Variants in PIK3CA observed in about 807,000 individuals in gnomAD.
PIK3CA encodes the protein phosphatidylinositol-4,5-bisphosphate 3-kinase catalytic subunit alpha.
Under a neutral mutation model 138.2 loss-of-function variants are expected in PIK3CA, and 27 were observed. The observed-to-expected ratio is 0.20, with a 90% CI of 0.14 to 0.27. PIK3CA has a LOEUF of 0.27. Among genes scored for constraint, PIK3CA ranks in the 10% least tolerant of loss-of-function variants. The probability of loss-of-function intolerance (pLI) is 1.00; values close to 1 mark genes in which losing one functional copy is unlikely to be tolerated. For synonymous variants in PIK3CA, 358 were observed against 413.2 expected (o/e 0.87, Z 1.62); for missense variants, 544 against 1,277.4 (o/e 0.43, Z 8.75).
intron 1 of PIK3CA, among the ~76,000 whole-genome samples, chr3:179,195,383 A>G (rs1724241210): frequency 6.6e-6 from 1 of 152,116 alleles, no homozygotes; most frequent in Admixed American, 6.5e-5. Flanking sequence ...AATGTTTAAC[A>G]TTTATTAGGT....
At chr3:179,154,035 T>C (rs901404172) in intron 1 of PIK3CA, among the ~76,000 whole-genome samples, 3 of 152,236 alleles carry the variant, frequency 2.0e-5, no homozygotes, top group Non-Finnish European at 2.9e-5. Context: ...TTAGGTGTTC[T>C]TTCTTTCCCT....
chr3:179,233,354 G>T, intron 20 of PIK3CA: 1 of 397,952 alleles, frequency 2.5e-6, no homozygotes, highest in South Asian at 1.3e-4. Context: ...TTTGTCACAT[G>T]ACTTTTATTA....
intron 1 of PIK3CA, among the ~76,000 whole-genome samples, chr3:179,166,000 C>T (rs994257824): frequency 3.9e-5 from 6 of 152,328 alleles, no homozygotes; most frequent in African/African-American, 1.4e-4. Context: ...CTAAATTACA[C>T]TTCTTTTCAT....
At chr3:179,154,801 C>T (rs1576910945) in intron 1 of PIK3CA, among the ~76,000 whole-genome samples, 1 of 152,046 alleles carries the variant, frequency 6.6e-6, no homozygotes, top group East Asian at 1.9e-4. Context: ...TGACAATGTA[C>T]TCATTTCTCA....
chr3:179,187,270 G>C (rs1227104302), intron 1 of PIK3CA, among the ~76,000 whole-genome samples: 3 of 151,994 alleles, frequency 2.0e-5, no homozygotes, highest in Admixed American at 2.0e-4. Context: ...GGGTGCGGTG[G>C]CTCACACCTG....
intron 1 of PIK3CA, among the ~76,000 whole-genome samples, chr3:179,157,171 A>G (rs939080953): frequency 1.6e-4 from 24 of 152,322 alleles, no homozygotes; most frequent in Middle Eastern, 3.4e-3. Context: ...ATGCATATAA[A>G]TATCAATGCA....
intron 1 of PIK3CA, among the ~76,000 whole-genome samples, chr3:179,164,096 G>A (rs764036512): frequency 2.0e-5 from 3 of 152,012 alleles, no homozygotes; most frequent in Admixed American, 6.6e-5. Flanking sequence ...AATAATTTGC[G>A]GAAATGTTTT....
chr3:179,176,088 C>T (rs982396014), intron 1 of PIK3CA, among the ~76,000 whole-genome samples: 19 of 152,036 alleles, frequency 1.2e-4, no homozygotes, highest in Admixed American at 1.1e-3. Flanking sequence ...GTGGGGGCTG[C>T]TTATGTTTTA....
intron 1 of PIK3CA, among the ~76,000 whole-genome samples, chr3:179,184,385 C>A (rs1057338572): frequency 6.6e-6 from 1 of 152,162 alleles, no homozygotes; most frequent in African/African-American, 2.4e-5. Context: ...AGTCAACAGA[C>A]ACCATAGCTA....
At chr3:179,194,284 T>TGC (rs1724208890) in intron 1 of PIK3CA, among the ~76,000 whole-genome samples, 1 of 152,132 alleles carries the variant, frequency 6.6e-6, no homozygotes, top group Admixed American at 6.5e-5. Context: ...AATGCAGTGG[T>TGC]GCCATCACGG....
chr3:179,167,928 AGTGCT>A (rs1465522126), intron 1 of PIK3CA, among the ~76,000 whole-genome samples: 2 of 152,136 alleles, frequency 1.3e-5, no homozygotes, highest in Admixed American at 1.3e-4. Flanking sequence ...GCGTGCCATT[AGTGCT>A]GCTGGACTCC....
chr3:179,226,783 T>C (rs1725092240), intron 17 of PIK3CA, among the ~76,000 whole-genome samples: 1 of 152,162 alleles, frequency 6.6e-6, no homozygotes, highest in Non-Finnish European at 1.5e-5. Flanking sequence ...CAAATAGTTG[T>C]ACCCTTTTAT....
Position 179,157,534 on chromosome 3 carries a change from A to G in PIK3CA, c.-77+8931A>G, listed in dbSNP as rs184668075. On this transcript the variant is annotated intron_variant, in intron 1 of 20. Transcript: ENST00000263967. Reference sequence around the variant, plus strand: ...TCATTTTGAGTAAATCTACCAGTGTATAACTGCTAAAGCACAGTTAAATGT... The same window carrying G: ...TCATTTTGAGTAAATCTACCAGTGTGTAACTGCTAAAGCACAGTTAAATGT... Among the ~76,000 whole-genome samples, 1,026 of 152,270 alleles carry G rather than the reference A, an allele frequency of 6.7e-3. 63 individuals are homozygous for G. In the South Asian group the frequency reaches 0.14, roughly 20 times the overall value.
intron 6 of PIK3CA, 47 bp from the exon 7 acceptor site, chr3:179,209,548 T>A (rs760384193): frequency 1.7e-6 from 2 of 1,153,982 alleles, no homozygotes; most frequent in Non-Finnish European, 1.3e-6. Context: ...TATACTTTGA[T>A]GAAGACTTTT....
At chr3:179,165,214 A>G (rs1342827579) in intron 1 of PIK3CA, among the ~76,000 whole-genome samples, 1 of 152,142 alleles carries the variant, frequency 6.6e-6, no homozygotes, top group Non-Finnish European at 1.5e-5. Flanking sequence ...CTATTACAAT[A>G]ATCACCCTAA....
At chr3:179,194,355 C>G (rs1319510872) in intron 1 of PIK3CA, among the ~76,000 whole-genome samples, 1 of 152,138 alleles carries the variant, frequency 6.6e-6, no homozygotes, top group East Asian at 1.9e-4. Context: ...TCCTGAGTAC[C>G]TGGGACCATA....
Position 179,234,217 on chromosome 3 carries a change from A to G in PIK3CA, c.3060A>G (p.Ala1020=), listed in dbSNP as rs1725280697. 4.3e-6 allele frequency: 7 copies of G among 1,613,794 alleles called. No individual in the cohort carries two copies. Among genetic ancestry groups the G allele is most frequent in the Non-Finnish European group, 5.9e-6 (7 of 1,179,790 alleles). ...AACTACAATCTTTTGATGACATTGC[A>G]TACATTCGAAAGACCCTAGCCTTAG... ...MPELQSFDDI[A]YIRKTLALDK... Residue 1020 remains alanine (A), a synonymous_variant, in exon 21 of 21, where the codon GCA becomes GCG. Coordinates refer to ENST00000263967, the MANE Select transcript of PIK3CA (RefSeq NM_006218.4). The surrounding 1 kb of genome is among the most constrained non-coding windows in gnomAD (Gnocchi z 5.1).
rs574634103 is a variant in PIK3CA, at chr3:179,170,066, A to ACGCG, written c.-77+21471_-77+21474dup. 6.5e-4 allele frequency among the ~76,000 whole-genome samples: 70 copies of ACGCG among 107,588 alleles called. 1 individual carries two copies. The South Asian group carries it at 0.021, about 32-fold the overall frequency. The allele number at this position is 107,588 out of a possible 152,430, so 70.6% of individuals were successfully genotyped here. A position where few individuals can be genotyped will look rare whatever the true frequency, so the allele number is the denominator to read the frequency against. ...CACAGACATGCACATGCGCGTGCAC[A>ACGCG]CGCGCGCGCGCACACACACACACAC... is the stretch of plus-strand genomic sequence containing the variant. On this transcript the variant is annotated intron_variant, in intron 1 of 20. Transcript: ENST00000263967.
chr3:179,216,887 A>C (rs1724847958), intron 9 of PIK3CA, among the ~76,000 whole-genome samples: 1 of 152,174 alleles, frequency 6.6e-6, no homozygotes, highest in Non-Finnish European at 1.5e-5. Context: ...AGTATGTATT[A>C]TCTCTTTCCT....
Sources: allele counts gnomAD v4.1 joint callset (sites outside exome capture counted in the v4.1 genomes callset), GRCh38; gene constraint gnomAD v4.1.1; non-coding constraint Gnocchi (gnomAD v3.1); transcripts MANE v1.5; gene names NCBI Gene and HGNC (gene_info 2026-07-23, HGNC 2026-07-21).